The following SCN2A variants were observed in gnomAD, a reference collection of about 807,000 sequenced individuals.
SCN2A encodes the protein sodium voltage-gated channel alpha subunit 2.
SCN2A carries 20 observed loss-of-function variants against 188.7 expected under a neutral mutation model. The ratio of observed to expected loss-of-function variants is 0.11; its 90% confidence interval spans 0.07 to 0.15. The LOEUF (loss-of-function observed/expected upper bound fraction) is 0.15. SCN2A is among the 10% of genes least tolerant of loss of function. The pLI, the probability that SCN2A is intolerant of heterozygous loss-of-function variation, is 1.00. For synonymous variants in SCN2A, 804 were observed against 833.1 expected, an observed-to-expected ratio of 0.97 and a Z score of 0.60; for missense variants, 1,278 against 2,445.0, an observed-to-expected ratio of 0.52 and a Z score of 10.07.
intron 1 of SCN2A, among the ~76,000 whole-genome samples, chr2:165,287,243 G>A (rs768342109): frequency 3.0e-4 from 46 of 152,238 alleles, no homozygotes; most frequent in African/African-American, 8.9e-4. Context: ...TGGTTACGGC[G>A]TTTGCATCTC....
chr2:165,370,309 C>A lies in SCN2A; in HGVS notation c.3849+10C>A, dbSNP rs1269232933. On this transcript the variant is annotated intron_variant, in intron 20 of 26. Coordinates refer to ENST00000375437, the MANE Select transcript of SCN2A (RefSeq NM_001040142.2). ...CTTCCTGATTGTTGATGTGAGTATG[C>A]TGCACTTTGCTGCTTTATTCATTGG... 1 of 1,613,826 alleles carries A rather than the reference C, an allele frequency of 6.2e-7. No homozygotes were observed. The highest frequency in any genetic ancestry group is 8.5e-7 in the Non-Finnish European group (1 of 1,179,794).
chr2:165,297,102 T>C lies in SCN2A; in HGVS notation c.353T>C (p.Ile118Thr). Residue 118 changes from isoleucine (I) to threonine (T), a missense_variant, in exon 3 of 27, where the codon ATT becomes ACT. By Grantham distance (89) the Ile-to-Thr change is moderately conservative. Coordinates refer to ENST00000375437, the MANE Select transcript of SCN2A (RefSeq NM_001040142.2). ...TACATTTTAACTCCCTTCAACCCTA[T>C]TAGAAAATTAGCTATTAAGATTTTG... The part of the protein sequence containing the change: ...ALYILTPFNP[I>T]RKLAIKILVH... The C allele has an allele frequency of 6.2e-7, 1 of 1,605,482 alleles. No homozygotes were observed. The highest frequency in any genetic ancestry group is 8.5e-7 in the Non-Finnish European group (1 of 1,172,610).
intron 1 of SCN2A, chr2:165,293,808 C>G: frequency 1.0e-6 from 1 of 980,570 alleles, no homozygotes; most frequent in African/African-American, 1.8e-5. Flanking sequence ...TGTGGAAGAT[C>G]AGTTCCACAA....
At chr2:165,308,558 C>G (rs1265535880) in intron 4 of SCN2A, 108 bp from the exon 5 acceptor site, 22 of 1,200,472 alleles carry the variant, frequency 1.8e-5, no homozygotes, top group Non-Finnish European at 2.3e-5. Context: ...CGTAGGGGGA[C>G]CAACCTGGAA....
intron 12 of SCN2A, among the ~76,000 whole-genome samples, chr2:165,325,556 A>G (rs554966905): frequency 3.5e-4 from 53 of 152,324 alleles, no homozygotes; most frequent in African/African-American, 1.3e-3. Flanking sequence ...CTATTTGAAA[A>G]TTAGACAAAT....
At chr2:165,277,689 C>T (rs1009686040) in intron 1 of SCN2A, among the ~76,000 whole-genome samples, 2 of 152,210 alleles carry the variant, frequency 1.3e-5, no homozygotes, top group Non-Finnish European at 2.9e-5. Context: ...CTGCTCAGAA[C>T]TTCTTCAAGC....
chr2:165,369,704 A>G (rs1966633), intron 19 of SCN2A, among the ~76,000 whole-genome samples: 25,286 of 151,984 alleles, frequency 0.17, 2,299 homozygotes, highest in African/African-American at 0.23. Context: ...GAGAGAGACA[A>G]GAAAGTGAGC....
chr2:165,380,762 A>T, intron 24 of SCN2A, 33 bp downstream of exon 24: 1 of 1,488,962 alleles, frequency 6.7e-7, no homozygotes. Flanking sequence ...CTTGCTCTGA[A>T]ATATGAACTA....
intron 12 of SCN2A, among the ~76,000 whole-genome samples, chr2:165,325,173 T>C (rs1698284622): frequency 6.6e-6 from 1 of 152,204 alleles, no homozygotes; most frequent in East Asian, 1.9e-4. Flanking sequence ...AGACAGACTG[T>C]CAGTCTGTCA....
intron 1 of SCN2A, among the ~76,000 whole-genome samples, chr2:165,256,172 A>G (rs1188618995): frequency 6.6e-6 from 1 of 151,652 alleles, no homozygotes; most frequent in Non-Finnish European, 1.5e-5. Flanking sequence ...CGGCCGACTA[A>G]TTATGTATTT....
chr2:165,296,195 G>C, intron 2 of SCN2A, 105 bp downstream of exon 2: 1 of 1,089,116 alleles, frequency 9.2e-7, no homozygotes, highest in Non-Finnish European at 1.4e-6. Context: ...TCTGTCTAAA[G>C]TATCACTAAG....
rs1434550948 is a variant in SCN2A at position 165,377,587 on chromosome 2, T to C, written c.4255-10T>C. ...TGGGAAAAAAGAAAATGATATGACT[T>C]TTCTTACAGGCCACGTTTAAGGGAT... On this transcript the variant is annotated splice_polypyrimidine_tract_variant and intron_variant, in intron 22 of 26. Coordinates refer to ENST00000375437, the MANE Select transcript of SCN2A (RefSeq NM_001040142.2). 6.2e-7 allele frequency: 1 copy of C among 1,602,608 alleles called. No individual in the cohort carries two copies. Among genetic ancestry groups the C allele is most frequent in the Non-Finnish European group, 8.5e-7 (1 of 1,173,078 alleles).
intron 13 of SCN2A, among the ~76,000 whole-genome samples, chr2:165,330,937 T>C (rs1332391103): frequency 6.6e-6 from 1 of 152,204 alleles, no homozygotes; most frequent in Non-Finnish European, 1.5e-5. Flanking sequence ...GTGTGACTGA[T>C]TAAGGTTCTT....
intron 3 of SCN2A, among the ~76,000 whole-genome samples, chr2:165,306,621 G>GA (rs1160684591): frequency 1.4e-4 from 21 of 151,176 alleles, no homozygotes; most frequent in Admixed American, 1.3e-3. Context: ...TCATATGGAT[G>GA]AAAAAACTGA....
chr2:165,308,593 AT>A, intron 4 of SCN2A, 72 bp from the exon 5 acceptor site: 1 of 1,540,930 alleles, frequency 6.5e-7, no homozygotes, highest in Non-Finnish European at 8.9e-7. Context: ...TTTGCTGTTT[AT>A]GTCATCTTTA....
chr2:165,342,448 A>T lies in SCN2A; in HGVS notation c.2541A>T (p.Ser847=), dbSNP rs776618474. The T allele has an allele frequency of 1.2e-6, 2 of 1,613,952 alleles. No individual in the cohort carries two copies. Among genetic ancestry groups the T allele is most frequent in the African/African-American group, 2.7e-5 (2 of 74,938 alleles). ...ELGLANVEGL[S]VLRSFRLLRV... ...GTTTGGCAAATGTGGAAGGATTGTC[A>T]GTTCTCCGATCATTCCGGCTGGTAA... The change falls in exon 15 of 27, where the codon TCA becomes TCT. Residue 847 remains serine, a synonymous_variant. Coordinates refer to ENST00000375437, the MANE Select transcript of SCN2A (RefSeq NM_001040142.2).
chr2:165,359,043 G>A (rs1292232664), intron 17 of SCN2A, among the ~76,000 whole-genome samples: 1 of 152,052 alleles, frequency 6.6e-6, no homozygotes, highest in Non-Finnish European at 1.5e-5. Flanking sequence ...CTATAAAACA[G>A]CACTAATATA....
chr2:165,279,718 A>G (rs1039888618), intron 1 of SCN2A, among the ~76,000 whole-genome samples: 2 of 152,176 alleles, frequency 1.3e-5, no homozygotes, highest in African/African-American at 2.4e-5. Flanking sequence ...CAGAAGCACA[A>G]TTCACAGAAC....
At chr2:165,278,462 T>G (rs1695440283) in intron 1 of SCN2A, among the ~76,000 whole-genome samples, 2 of 152,036 alleles carry the variant, frequency 1.3e-5, no homozygotes, top group Admixed American at 1.3e-4. Context: ...ATCATCAGAT[T>G]TTGTAAGAAC....
Sources: gnomAD v4.1 joint callset for allele counts (sites outside exome capture counted in the v4.1 genomes callset) on GRCh38, gnomAD v4.1.1 for gene constraint, MANE v1.5 for transcripts, NCBI Gene and HGNC (gene_info 2026-07-23, HGNC 2026-07-21) for gene names.